The following WWOX variants were observed in gnomAD, a reference collection of about 807,000 sequenced individuals.
WWOX encodes WW domain containing oxidoreductase.
A neutral mutation model predicts 46.2 loss-of-function variants in WWOX; 69 were observed. That is an observed-to-expected ratio of 1.49 (90% CI 1.23 to 1.82). The LOEUF is 1.82. WWOX is among the 40% of genes most tolerant of loss of function. The pLI is 0.00. For missense variants in WWOX, 919 were observed against 542.6 expected, an observed-to-expected ratio of 1.69 and a Z score of -6.89; for synonymous variants, 359 against 202.6, an observed-to-expected ratio of 1.77 and a Z score of -6.56.
At chr16:78,858,905 C>G (rs1433292820) in intron 8 of WWOX, among the ~76,000 whole-genome samples, 1 of 149,340 alleles carries the variant, frequency 6.7e-6, no homozygotes, top group African/African-American at 2.5e-5. Context: ...TCTTGAACTC[C>G]TGGGCTCAAG....
At chr16:78,154,115 G>A (rs970714785) in intron 4 of WWOX, among the ~76,000 whole-genome samples, 2 of 152,150 alleles carry the variant, frequency 1.3e-5, no homozygotes, top group African/African-American at 2.4e-5. Flanking sequence ...AACTTGCCAA[G>A]CTCACCAGTG....
intron 8 of WWOX, among the ~76,000 whole-genome samples, chr16:79,051,441 T>A (rs1328864548): frequency 6.6e-6 from 1 of 152,186 alleles, no homozygotes; most frequent in African/African-American, 2.4e-5. Flanking sequence ...TGGCTTCACC[T>A]TGACCAACGA....
At chr16:78,602,938 T>G (rs916133319) in intron 8 of WWOX, among the ~76,000 whole-genome samples, 1 of 152,206 alleles carries the variant, frequency 6.6e-6, no homozygotes, top group African/African-American at 2.4e-5. Context: ...CATTGCTGAT[T>G]AGCTTTCTCT....
At chr16:78,932,322 A>G (rs886232126) in intron 8 of WWOX, among the ~76,000 whole-genome samples, 1 of 152,190 alleles carries the variant, frequency 6.6e-6, no homozygotes, top group Non-Finnish European at 1.5e-5. Flanking sequence ...CAGTGACCTA[A>G]CGCAGTCCTT....
chr16:78,751,200 T>C (rs1320414962), intron 8 of WWOX, among the ~76,000 whole-genome samples: 1 of 152,058 alleles, frequency 6.6e-6, no homozygotes, highest in African/African-American at 2.4e-5. Context: ...ACAGATGTAT[T>C]TAATTTGTGT....
intron 8 of WWOX, among the ~76,000 whole-genome samples, chr16:78,928,780 G>C (rs925922319): frequency 3.9e-5 from 6 of 152,122 alleles, no homozygotes; most frequent in East Asian, 1.9e-4. Flanking sequence ...CACAGTTTCA[G>C]TGATCGTGCA....
intron 8 of WWOX, among the ~76,000 whole-genome samples, chr16:78,537,822 C>T (rs571240733): frequency 1.4e-4 from 21 of 151,998 alleles, no homozygotes; most frequent in Admixed American, 3.3e-4. Flanking sequence ...AGGGCCAGAA[C>T]GATCCACCCA....
At position 78,500,604 on chromosome 16, in the gene WWOX, G is replaced by C. The variant is rs138558281; in HGVS notation, c.1056+67852G>C. Among the ~76,000 whole-genome samples the C allele has an allele frequency of 4.6e-5, 7 of 152,128 alleles. No homozygotes were observed. In the East Asian group the frequency reaches 9.7e-4, roughly 21 times the overall value. On this transcript the variant is annotated intron_variant, in intron 8 of 8. Coordinates refer to ENST00000566780, the MANE Select transcript of WWOX (RefSeq NM_016373.4). ...AGCATTTTCCTATGACTGAGGGTAG[G>C]GTAGGTAGATGACTCATTACAATTT...
At chr16:78,106,478 A>G (rs1040825755) in intron 1 of WWOX, among the ~76,000 whole-genome samples, 1 of 134,116 alleles carries the variant, frequency 7.5e-6, no homozygotes, top group African/African-American at 2.8e-5. Flanking sequence ...GCTGGAGTGC[A>G]CGATCTCAGC....
At chr16:78,405,849 G>A (rs973434158) in intron 6 of WWOX, among the ~76,000 whole-genome samples, 1 of 152,102 alleles carries the variant, frequency 6.6e-6, no homozygotes, top group African/African-American at 2.4e-5. Context: ...TTTCCTGAGG[G>A]CCACACACAT....
intron 8 of WWOX, among the ~76,000 whole-genome samples, chr16:79,172,899 T>C (rs923570263): frequency 6.6e-6 from 1 of 150,698 alleles, no homozygotes; most frequent in Non-Finnish European, 1.5e-5. Context: ...TGTGCGCCTG[T>C]AGTCCCAGCT....
intron 8 of WWOX, among the ~76,000 whole-genome samples, chr16:78,586,868 A>G (rs532537016): frequency 2.0e-5 from 3 of 152,300 alleles, no homozygotes; most frequent in East Asian, 1.9e-4. Context: ...TCATGCCATT[A>G]TGACTGTGTA....
chr16:78,290,976 C>G (rs1346053183), intron 5 of WWOX, among the ~76,000 whole-genome samples: 1 of 152,112 alleles, frequency 6.6e-6, no homozygotes, highest in Non-Finnish European at 1.5e-5. Flanking sequence ...TTTCTTAACC[C>G]TTTAAGAAAT....
At chr16:78,362,362 C>T (rs1179352369) in intron 5 of WWOX, among the ~76,000 whole-genome samples, 3 of 152,168 alleles carry the variant, frequency 2.0e-5, no homozygotes, top group Non-Finnish European at 4.4e-5. Context: ...GTAATCCCAG[C>T]ACTTTGGAAG....
At chr16:78,152,050 T>C (rs1030017168) in intron 4 of WWOX, among the ~76,000 whole-genome samples, 29 of 151,900 alleles carry the variant, frequency 1.9e-4, no homozygotes, top group East Asian at 9.7e-4. Flanking sequence ...ATTAGCCGGG[T>C]GTGGTGGCGG....
intron 8 of WWOX, among the ~76,000 whole-genome samples, chr16:79,140,091 T>G (rs1444713898): frequency 6.6e-6 from 1 of 152,228 alleles, no homozygotes; most frequent in Non-Finnish European, 1.5e-5. Flanking sequence ...ATGGTCTCAA[T>G]GCTGTTGAGA....
At chr16:78,766,875 C>T (rs772467416) in intron 8 of WWOX, among the ~76,000 whole-genome samples, 2 of 151,976 alleles carry the variant, frequency 1.3e-5, no homozygotes, top group South Asian at 2.1e-4. Flanking sequence ...GTTGTGTAAC[C>T]ATCAGCATTA....
intron 5 of WWOX, among the ~76,000 whole-genome samples, chr16:78,255,124 C>A (rs115430148): frequency 0.016 from 2,477 of 152,286 alleles, 60 homozygotes; most frequent in African/African-American, 0.053. Flanking sequence ...AAGTCTTTTC[C>A]AAGGCCTCTG....
intron 8 of WWOX, among the ~76,000 whole-genome samples, chr16:78,934,368 G>C (rs994305714): frequency 7.8e-6 from 1 of 128,960 alleles, no homozygotes; most frequent in Non-Finnish European, 1.7e-5. Context: ...ACTTAGCCAG[G>C]TGTGGTGGTG....
Sources: gnomAD v4.1 joint callset for allele counts (sites outside exome capture counted in the v4.1 genomes callset) on GRCh38, gnomAD v4.1.1 for gene constraint, MANE v1.5 for transcripts, NCBI Gene and HGNC (gene_info 2026-07-23, HGNC 2026-07-21) for gene names.